C1QTNF3: variants seen among roughly 807,000 people sequenced by gnomAD.
C1QTNF3 encodes complement C1q tumor necrosis factor-related protein 3.
C1QTNF3 carries 26 observed loss-of-function variants against 32.6 expected under a neutral mutation model. The observed-to-expected ratio is 0.80, with a 90% CI of 0.58 to 1.11. C1QTNF3 has a LOEUF of 1.11. C1QTNF3 is among the 50% of genes least tolerant of loss of function. The pLI is 0.00. For synonymous variants in C1QTNF3, 155 were observed against 146.0 expected, an observed-to-expected ratio of 1.06 and a Z score of -0.44; for missense variants, 362 against 398.2, an observed-to-expected ratio of 0.91 and a Z score of 0.77.
chr5:34,040,424 A>G (rs1754840413), intron 1 of C1QTNF3, among the ~76,000 whole-genome samples: 1 of 152,028 alleles, frequency 6.6e-6, no homozygotes, highest in Non-Finnish European at 1.5e-5. Flanking sequence ...AAGAAGAGGA[A>G]GGGAAGTGGG....
the C1QTNF3 span, among the ~76,000 whole-genome samples, chr5:34,103,229 A>C: frequency 6.6e-6 from 1 of 152,106 alleles, no homozygotes. Flanking sequence ...ATCCTTCCAG[A>C]ATCCCACCTT....
At chr5:34,119,112 G>C in the C1QTNF3 span, among the ~76,000 whole-genome samples, 3 of 152,066 alleles carry the variant, frequency 2.0e-5, no homozygotes, top group African/African-American at 7.3e-5. Flanking sequence ...TTGAAATAAT[G>C]TCAGCTCTTA....
the C1QTNF3 span, among the ~76,000 whole-genome samples, chr5:34,238,679 GAGAA>G: frequency 6.6e-6 from 1 of 151,966 alleles, no homozygotes; most frequent in Non-Finnish European, 1.5e-5. Context: ...ATTCCTAGAA[GAGAA>G]AGAAAGAGAA....
chr5:34,130,138 C>T, the C1QTNF3 span, among the ~76,000 whole-genome samples: 1 of 150,716 alleles, frequency 6.6e-6, no homozygotes, highest in Admixed American at 6.6e-5. Flanking sequence ...TATATACACA[C>T]ACACACACAC....
At chr5:34,108,151 T>C in the C1QTNF3 span, among the ~76,000 whole-genome samples, 1 of 152,142 alleles carries the variant, frequency 6.6e-6, no homozygotes, top group African/African-American at 2.4e-5. Context: ...TTCCTGGATC[T>C]TGACAATACA....
chr5:34,142,192 G>A, the C1QTNF3 span, among the ~76,000 whole-genome samples: 1 of 152,204 alleles, frequency 6.6e-6, no homozygotes, highest in South Asian at 2.1e-4. Flanking sequence ...AGCACTTTGG[G>A]AGGCCAAGGT....
the C1QTNF3 span, among the ~76,000 whole-genome samples, chr5:34,210,870 A>G: frequency 6.9e-4 from 105 of 152,250 alleles, 2 homozygotes; most frequent in East Asian, 0.015. Context: ...TACAGAATGT[A>G]TAACAATATA....
the C1QTNF3 span, among the ~76,000 whole-genome samples, chr5:34,102,753 C>A: frequency 2.0e-5 from 3 of 152,240 alleles, no homozygotes; most frequent in African/African-American, 2.4e-5. Flanking sequence ...GGACAAAAAA[C>A]CAAACACTGC....
At chr5:34,077,889 TA>T in the C1QTNF3 span, among the ~76,000 whole-genome samples, 1 of 150,580 alleles carries the variant, frequency 6.6e-6, no homozygotes, top group Non-Finnish European at 1.5e-5. Context: ...TTAACACCTC[TA>T]AAAAAAAAGA....
At chr5:34,064,591 T>C in the C1QTNF3 span, among the ~76,000 whole-genome samples, 2 of 152,146 alleles carry the variant, frequency 1.3e-5, no homozygotes, top group Non-Finnish European at 2.9e-5. Context: ...GGAGCAGCAA[T>C]GGGTGCCTCG....
chr5:34,202,175 G>T, the C1QTNF3 span, among the ~76,000 whole-genome samples: 1 of 151,050 alleles, frequency 6.6e-6, no homozygotes, highest in African/African-American at 2.5e-5. Context: ...GTTTTGTTTT[G>T]TTTTAATTTT....
the C1QTNF3 span, among the ~76,000 whole-genome samples, chr5:34,244,166 A>G: frequency 1.3e-5 from 2 of 152,178 alleles, no homozygotes; most frequent in African/African-American, 4.8e-5. Flanking sequence ...TCCTCATAGC[A>G]TACAAAAAAC....
the C1QTNF3 span, among the ~76,000 whole-genome samples, chr5:34,186,506 TTTTTTA>T: frequency 2.0e-5 from 3 of 150,382 alleles, no homozygotes; most frequent in East Asian, 1.9e-4. Flanking sequence ...TTTTTTTTTT[TTTTTTA>T]AAATTAAGAG....
At chr5:34,124,346 C>T in the C1QTNF3 span, 5 of 681,752 alleles carry the variant, frequency 7.3e-6, no homozygotes, top group South Asian at 8.2e-5. Flanking sequence ...ATACCTGAGA[C>T]TAGGTAACTT....
the C1QTNF3 span, among the ~76,000 whole-genome samples, chr5:34,172,991 T>C: frequency 6.6e-6 from 1 of 152,158 alleles, no homozygotes; most frequent in Non-Finnish European, 1.5e-5. Flanking sequence ...ATTTTAACTT[T>C]TATTTTAGGT....
the C1QTNF3 span, among the ~76,000 whole-genome samples, chr5:34,195,306 G>T: frequency 2.8e-5 from 4 of 144,384 alleles, no homozygotes; most frequent in African/African-American, 1.1e-4. Context: ...TCTCCATCTG[G>T]TAGGAATATA....
chr5:34,160,728 A>C, the C1QTNF3 span, among the ~76,000 whole-genome samples: 1 of 152,128 alleles, frequency 6.6e-6, no homozygotes, highest in African/African-American at 2.4e-5. Context: ...AATGCTCCCT[A>C]TCTGCTAAAA....
At chr5:34,035,553 CACAGAA>C in intron 2 of C1QTNF3, 88 bp downstream of exon 2, 1 of 939,736 alleles carries the variant, frequency 1.1e-6, no homozygotes, top group East Asian at 2.5e-5. Context: ...CTTTGGATCA[CACAGAA>C]GTGATCCCAA....
the C1QTNF3 span, among the ~76,000 whole-genome samples, chr5:34,108,553 T>C: frequency 6.6e-6 from 1 of 152,094 alleles, no homozygotes; most frequent in Non-Finnish European, 1.5e-5. Flanking sequence ...CAGAATTTTA[T>C]TTAAGAGCTG....
Sources: allele counts gnomAD v4.1 joint callset (sites outside exome capture counted in the v4.1 genomes callset), GRCh38; gene constraint gnomAD v4.1.1; transcripts MANE v1.5; gene names NCBI Gene and HGNC (gene_info 2026-07-23, HGNC 2026-07-21).